ME3: variants seen among roughly 807,000 people sequenced by gnomAD.
ME3 encodes the protein NADP-dependent malic enzyme, mitochondrial.
A neutral mutation model predicts 68.9 loss-of-function variants in ME3; 48 were observed. The observed-to-expected ratio is 0.70, with a 90% confidence interval of 0.55 to 0.89. The LOEUF is 0.89. Among genes scored for constraint, ME3 ranks in the 40% least tolerant of loss-of-function variants. ME3 has a pLI of 0.00. For synonymous variants in ME3, 320 were observed against 318.8 expected (o/e 1.00, Z -0.04); for missense variants, 675 against 797.4 (o/e 0.85, Z 1.85).
chr11:86,521,911 C>A (rs1047314797), intron 4 of ME3, among the ~76,000 whole-genome samples: 2 of 152,118 alleles, frequency 1.3e-5, no homozygotes, highest in African/African-American at 4.8e-5. Flanking sequence ...CCATCCATAT[C>A]CACAGGTTCT....
intron 4 of ME3, among the ~76,000 whole-genome samples, chr11:86,523,388 T>C (rs943449772): frequency 6.6e-6 from 1 of 152,178 alleles, no homozygotes; most frequent in Non-Finnish European, 1.5e-5. Context: ...TAAGAAACCA[T>C]TGTGCCTTCT....
chr11:86,568,873 T>A (rs571029434), intron 2 of ME3, among the ~76,000 whole-genome samples: 1 of 152,362 alleles, frequency 6.6e-6, no homozygotes, highest in African/African-American at 2.4e-5. Flanking sequence ...GCACTGGGGA[T>A]TGTTGAACAG....
intron 8 of ME3, among the ~76,000 whole-genome samples, chr11:86,463,158 G>A (rs1350464612): frequency 2.6e-5 from 4 of 152,184 alleles, no homozygotes; most frequent in African/African-American, 7.2e-5. Flanking sequence ...GGGCCTGGCC[G>A]TGTTCCTGTG....
At chr11:86,438,665 T>G (rs1042827847), downstream of ME3, among the ~76,000 whole-genome samples, 2 of 152,206 alleles carry the variant, frequency 1.3e-5, no homozygotes, top group African/African-American at 4.8e-5. Flanking sequence ...TATTGATTTG[T>G]GCTCTAATCT....
chr11:86,662,041 A>T (rs1345529544), intron 2 of ME3, among the ~76,000 whole-genome samples: 1 of 152,214 alleles, frequency 6.6e-6, no homozygotes, highest in Non-Finnish European at 1.5e-5. Context: ...CAGCTCTAAG[A>T]ATCTACAATT....
intron 2 of ME3, among the ~76,000 whole-genome samples, chr11:86,582,867 G>A (rs930526182): frequency 2.0e-5 from 3 of 150,428 alleles, no homozygotes; most frequent in South Asian, 2.1e-4. Flanking sequence ...TGTTTCCACC[G>A]AGTCTGAAAC....
chr11:86,646,717 C>A (rs1196155833), intron 2 of ME3, among the ~76,000 whole-genome samples: 2 of 152,092 alleles, frequency 1.3e-5, no homozygotes, highest in Admixed American at 1.3e-4. Context: ...CTAAGATAAT[C>A]CATGAGAAGA....
At chr11:86,580,936 C>G (rs1250318500) in intron 2 of ME3, among the ~76,000 whole-genome samples, 1 of 152,198 alleles carries the variant, frequency 6.6e-6, no homozygotes, top group East Asian at 1.9e-4. Context: ...AATATCCCAG[C>G]TTTTAACCTT....
intron 4 of ME3, among the ~76,000 whole-genome samples, chr11:86,548,662 A>T (rs1956498423): frequency 6.6e-6 from 1 of 152,236 alleles, no homozygotes. Flanking sequence ...GCAAATTTGT[A>T]GCCACAGTGC....
At chr11:86,480,350 C>T (rs1465616227) in intron 7 of ME3, among the ~76,000 whole-genome samples, 1 of 152,232 alleles carries the variant, frequency 6.6e-6, no homozygotes, top group Admixed American at 6.5e-5. Context: ...AATGTATTCC[C>T]TCACGGGATA....
At chr11:86,530,879 C>G (rs1271887390) in intron 4 of ME3, among the ~76,000 whole-genome samples, 1 of 142,118 alleles carries the variant, frequency 7.0e-6, no homozygotes, top group South Asian at 2.4e-4. Context: ...AATGTTAGAC[C>G]TAAAGCCATA....
intron 7 of ME3, among the ~76,000 whole-genome samples, chr11:86,468,354 C>T (rs1271067190): frequency 6.6e-6 from 1 of 152,044 alleles, no homozygotes; most frequent in Non-Finnish European, 1.5e-5. Flanking sequence ...ATCCATCCAT[C>T]CATCCATTTT....
At chr11:86,614,818 A>G (rs1942841168) in intron 2 of ME3, among the ~76,000 whole-genome samples, 1 of 152,166 alleles carries the variant, frequency 6.6e-6, no homozygotes, top group Admixed American at 6.5e-5. Flanking sequence ...AGGTCCAGCC[A>G]CTTCTCTGAT....
intron 7 of ME3, among the ~76,000 whole-genome samples, chr11:86,471,600 A>T (rs566214556): frequency 6.6e-6 from 1 of 152,346 alleles, no homozygotes; most frequent in South Asian, 2.1e-4. Flanking sequence ...AATTAAAGAA[A>T]TGTATTCGGC....
chr11:86,492,595 A>T (rs989766668), intron 6 of ME3, among the ~76,000 whole-genome samples: 4 of 152,234 alleles, frequency 2.6e-5, no homozygotes, highest in African/African-American at 9.6e-5. Flanking sequence ...ATAGTTACTA[A>T]GTCCCCTTTG....
At chr11:86,649,358 T>C (rs1185921298) in intron 2 of ME3, among the ~76,000 whole-genome samples, 1 of 152,182 alleles carries the variant, frequency 6.6e-6, no homozygotes, top group African/African-American at 2.4e-5. Flanking sequence ...GCCAATATCA[T>C]ACTGAATGGG....
chr11:86,672,208 G>A (rs1946999208), intron 1 of ME3, 116 bp downstream of exon 1: 2 of 411,706 alleles, frequency 4.9e-6, no homozygotes, highest in Non-Finnish European at 8.4e-6. Flanking sequence ...GCGGGTGACA[G>A]CCGGCGCCAC....
intron 2 of ME3, among the ~76,000 whole-genome samples, chr11:86,605,343 A>G (rs1236947833): frequency 6.6e-6 from 1 of 152,334 alleles, no homozygotes; most frequent in East Asian, 1.9e-4. Flanking sequence ...GCTGTTCACA[A>G]TTAGAAGGCT....
chr11:86,435,227 C>T, the ME3 span: 3 of 152,220 alleles, frequency 2.0e-5, no homozygotes, highest in Non-Finnish European at 4.4e-5. Flanking sequence ...CTAATATCCA[C>T]ACATCTGTAA....
Sources: allele counts gnomAD v4.1 joint callset (sites outside exome capture counted in the v4.1 genomes callset), GRCh38; gene constraint gnomAD v4.1.1; transcripts MANE v1.5; gene names NCBI Gene and HGNC (gene_info 2026-07-23, HGNC 2026-07-21).